The following GRM5 variants were observed in gnomAD, a reference collection of about 807,000 sequenced individuals.
GRM5 encodes glutamate metabotropic receptor 5.
GRM5 carries 19 observed loss-of-function variants against 83.1 expected under a neutral mutation model. The ratio of observed to expected loss-of-function variants is 0.23; its 90% CI spans 0.16 to 0.34. GRM5 has a LOEUF of 0.34. Among genes scored for constraint, GRM5 ranks in the 10% least tolerant of loss-of-function variants. GRM5 has a pLI of 1.00. For synonymous variants in GRM5, 675 were observed against 633.6 expected, an observed-to-expected ratio of 1.07 and a Z score of -0.98; for missense variants, 1,160 against 1,588.3, an observed-to-expected ratio of 0.73 and a Z score of 4.58.
intron 2 of GRM5, among the ~76,000 whole-genome samples, chr11:88,955,194 G>A (rs1245219883): frequency 1.3e-5 from 2 of 152,136 alleles, no homozygotes; most frequent in African/African-American, 4.8e-5. Context: ...AGAACCAGAA[G>A]GAGTTTACTG....
chr11:88,801,204 G>T (rs981759274), intron 3 of GRM5, among the ~76,000 whole-genome samples: 1 of 152,058 alleles, frequency 6.6e-6, no homozygotes, highest in African/African-American at 2.4e-5. Context: ...ATAATTGCTG[G>T]TAGGGAATAA....
At chr11:88,992,873 G>T (rs1591028988) in intron 2 of GRM5, among the ~76,000 whole-genome samples, 2 of 146,238 alleles carry the variant, frequency 1.4e-5, no homozygotes, top group African/African-American at 5.0e-5. Context: ...GTCGTGGGGT[G>T]GGGGAGGGGG....
intron 2 of GRM5, among the ~76,000 whole-genome samples, chr11:89,011,147 A>G (rs987061837): frequency 1.3e-5 from 2 of 152,198 alleles, no homozygotes; most frequent in African/African-American, 4.8e-5. Context: ...ATTAATGTTC[A>G]TAGTGCATCT....
chr11:88,904,700 A>G (rs947889426), intron 2 of GRM5, among the ~76,000 whole-genome samples: 1 of 152,136 alleles, frequency 6.6e-6, no homozygotes, highest in Non-Finnish European at 1.5e-5. Context: ...ATTCCATCCT[A>G]TATGTGCATG....
chr11:88,859,877 A>C (rs375955636), intron 2 of GRM5, among the ~76,000 whole-genome samples: 2 of 152,190 alleles, frequency 1.3e-5, no homozygotes, highest in South Asian at 2.1e-4. Flanking sequence ...TAAATGATTC[A>C]GTCCCCATGT....
At chr11:89,000,736 A>G (rs2135068608) in intron 2 of GRM5, among the ~76,000 whole-genome samples, 1 of 152,260 alleles carries the variant, frequency 6.6e-6, no homozygotes, top group Non-Finnish European at 1.5e-5. Flanking sequence ...TCTGTACAAG[A>G]CCCTAAAAGA....
intron 3 of GRM5, among the ~76,000 whole-genome samples, chr11:88,762,852 G>A (rs1942553824): frequency 6.6e-6 from 1 of 151,934 alleles, no homozygotes; most frequent in Non-Finnish European, 1.5e-5. Context: ...AAAAAAGAAT[G>A]AGGTCATGTC....
intron 3 of GRM5, among the ~76,000 whole-genome samples, chr11:88,755,445 G>C (rs1179123543): frequency 6.6e-6 from 1 of 152,032 alleles, no homozygotes; most frequent in Non-Finnish European, 1.5e-5. Context: ...CATATGGTAG[G>C]AAAAAATTGA....
chr11:88,686,276 G>A (rs929271214), intron 3 of GRM5, among the ~76,000 whole-genome samples: 1 of 152,124 alleles, frequency 6.6e-6, no homozygotes, highest in African/African-American at 2.4e-5. Context: ...CATCGGCCCT[G>A]TAACCACTTT....
At chr11:88,767,711 A>C (rs1393015007) in intron 3 of GRM5, among the ~76,000 whole-genome samples, 1 of 151,796 alleles carries the variant, frequency 6.6e-6, no homozygotes, top group East Asian at 1.9e-4. Context: ...GATCAGAATA[A>C]ATACCTATTG....
At chr11:88,568,402 G>A (rs1462338696) in intron 7 of GRM5, among the ~76,000 whole-genome samples, 2 of 152,106 alleles carry the variant, frequency 1.3e-5, no homozygotes, top group Admixed American at 1.3e-4. Flanking sequence ...GATGGAGTTG[G>A]GGATTTCATG....
intron 2 of GRM5, among the ~76,000 whole-genome samples, chr11:88,933,988 C>G (rs1371541099): frequency 1.3e-5 from 2 of 151,470 alleles, no homozygotes; most frequent in African/African-American, 4.8e-5. Flanking sequence ...CTTTTAAGGA[C>G]AGATAATAAG....
chr11:88,680,235 T>C (rs1380417747), intron 3 of GRM5, among the ~76,000 whole-genome samples: 3 of 149,976 alleles, frequency 2.0e-5, no homozygotes, highest in Non-Finnish European at 4.4e-5. Flanking sequence ...CCCTCCCCAC[T>C]CCCCCCACCC....
chr11:88,770,732 T>A (rs1438458328), intron 3 of GRM5, among the ~76,000 whole-genome samples: 11 of 152,150 alleles, frequency 7.2e-5, no homozygotes, highest in Non-Finnish European at 1.5e-4. Flanking sequence ...GAATGTATTC[T>A]TGACAGAAAT....
At chr11:88,749,197 A>G (rs568855119) in intron 3 of GRM5, among the ~76,000 whole-genome samples, 11 of 152,278 alleles carry the variant, frequency 7.2e-5, no homozygotes, top group Admixed American at 3.3e-4. Flanking sequence ...GGAAAAAGTG[A>G]TAAAACAATA....
At chr11:89,017,494 C>A (rs1442831312) in intron 2 of GRM5, among the ~76,000 whole-genome samples, 1 of 152,186 alleles carries the variant, frequency 6.6e-6, no homozygotes, top group Admixed American at 6.5e-5. Flanking sequence ...ATGCCTCTTA[C>A]CATTTATCCA....
intron 1 of GRM5, among the ~76,000 whole-genome samples, chr11:89,052,759 A>G (rs909947274): frequency 6.6e-6 from 1 of 152,216 alleles, no homozygotes; most frequent in African/African-American, 2.4e-5. Flanking sequence ...AAAATGTGAA[A>G]TTGGAAATAT....
At chr11:88,796,175 T>C (rs1943270539) in intron 3 of GRM5, among the ~76,000 whole-genome samples, 1 of 152,178 alleles carries the variant, frequency 6.6e-6, no homozygotes, top group African/African-American at 2.4e-5. Context: ...ACACAATGTG[T>C]TTCAAGGAAT....
intron 3 of GRM5, among the ~76,000 whole-genome samples, chr11:88,746,310 C>G (rs1287577934): frequency 6.6e-6 from 1 of 152,100 alleles, no homozygotes; most frequent in East Asian, 1.9e-4. Flanking sequence ...ACAATAACTT[C>G]TACAACACTG....
Sources: allele counts gnomAD v4.1 joint callset (sites outside exome capture counted in the v4.1 genomes callset), GRCh38; gene constraint gnomAD v4.1.1; transcripts MANE v1.5; gene names NCBI Gene and HGNC (gene_info 2026-07-23, HGNC 2026-07-21).